Variants in ERI1 observed in about 807,000 individuals in gnomAD.
The protein encoded by ERI1 is exoribonuclease 1, also known as 3'-5' exoribonuclease 1.
A neutral mutation model predicts 39.7 loss-of-function variants in ERI1; 39 were observed. The ratio of observed to expected loss-of-function variants is 0.98; its 90% CI spans 0.76 to 1.28. ERI1 has a LOEUF of 1.28. ERI1 is among the 50% of genes most tolerant of loss of function. The probability of loss-of-function intolerance (pLI) is 0.00; values close to 1 mark genes in which losing one functional copy is unlikely to be tolerated. For synonymous variants in ERI1, 204 were observed against 149.6 expected (o/e 1.36, Z -2.65); for missense variants, 581 against 416.9 (o/e 1.39, Z -3.43).
intron 3 of ERI1, among the ~76,000 whole-genome samples, chr8:9,044,930 C>T (rs1376448447): frequency 1.3e-5 from 2 of 151,960 alleles, no homozygotes; most frequent in East Asian, 1.9e-4. Flanking sequence ...GAGTCCTGAC[C>T]ACGAAGCCCT....
At chr8:9,097,391 G>A (rs996550528) in intron 3 of ERI1, among the ~76,000 whole-genome samples, 5 of 152,224 alleles carry the variant, frequency 3.3e-5, no homozygotes, top group Admixed American at 2.0e-4. Flanking sequence ...GGCCAGGTGC[G>A]GTGGCTCACG....
intron 3 of ERI1, among the ~76,000 whole-genome samples, chr8:9,047,717 A>G (rs1481168022): frequency 9.6e-6 from 1 of 103,684 alleles, no homozygotes; most frequent in Non-Finnish European, 2.0e-5. Flanking sequence ...AAAGAAAAGG[A>G]GAGTGAAGCC....
chr8:9,020,652 C>G (rs1817786197), intron 6 of ERI1, among the ~76,000 whole-genome samples, 188 bp downstream of exon 6: 1 of 152,112 alleles, frequency 6.6e-6, no homozygotes, highest in Non-Finnish European at 1.5e-5. Flanking sequence ...AACCTGTTAA[C>G]TTTATTTAAG....
Position 9,081,856 on chromosome 8 carries a change from T to C in ERI1, n.300-34492T>C, listed in dbSNP as rs188018073. Among the ~76,000 whole-genome samples, 319 of 152,270 alleles carry C rather than the reference T, an allele frequency of 2.1e-3. 1 individual carries two copies. The Middle Eastern group carries it at 0.024, about 11-fold the overall frequency. ...GAACCCCCACAACTCCCATTTCTTA[T>C]GAAAAATAAGCAATTTAATTATTCT... On this transcript the variant is annotated intron_variant and non_coding_transcript_variant, in intron 3 of 3. Transcript: ENST00000518663.
intron 3 of ERI1, among the ~76,000 whole-genome samples, chr8:9,046,995 C>T (rs897342780): frequency 1.3e-5 from 2 of 152,106 alleles, no homozygotes; most frequent in Non-Finnish European, 2.9e-5. Flanking sequence ...TTTTTTTGAC[C>T]TGTTAGGTTT....
intron 3 of ERI1, chr8:9,072,664 C>T (rs1030906455): frequency 6.6e-6 from 1 of 152,122 alleles, no homozygotes; most frequent in South Asian, 2.1e-4. Context: ...ATAAATCAGC[C>T]CTTTGATTTA....
At position 9,018,419 on chromosome 8, in the gene ERI1, G is replaced by A. The variant is rs770157889; in HGVS notation, c.692+13G>A. 5 of 1,410,964 alleles carry A rather than the reference G, an allele frequency of 3.5e-6. No homozygotes were observed. The highest frequency in any genetic ancestry group is 1.2e-5 in the South Asian group (1 of 83,474). 87.4% of individuals were successfully genotyped at this position (1,410,964 alleles called of 1,614,324 possible). A position where few individuals can be genotyped will look rare whatever the true frequency, so the allele number is the denominator to read the frequency against. ...TTTTAACAGATGGGTAAGTATTTAG[G>A]AAGATTATTTTTTTATATCTACTTT... On this transcript the variant is annotated intron_variant, in intron 5 of 6. Transcript: ENST00000250263.
At chr8:9,066,774 G>A (rs369645460) in intron 3 of ERI1, among the ~76,000 whole-genome samples, 6 of 152,086 alleles carry the variant, frequency 3.9e-5, no homozygotes, top group Non-Finnish European at 8.8e-5. Context: ...TGTGACAGGC[G>A]GGTGAGTTGA....
chr8:9,035,984 G>T (rs1385618696), downstream of ERI1, among the ~76,000 whole-genome samples: 1 of 152,186 alleles, frequency 6.6e-6, no homozygotes, highest in African/African-American at 2.4e-5. Flanking sequence ...TGCTGATGTG[G>T]TGGAAATACC....
intron 3 of ERI1, among the ~76,000 whole-genome samples, chr8:9,042,419 A>G (rs1394510655): frequency 1.3e-5 from 2 of 152,162 alleles, no homozygotes; most frequent in African/African-American, 4.8e-5. Context: ...ACATTAAGAA[A>G]CAAACAGATG....
intron 6 of ERI1, among the ~76,000 whole-genome samples, chr8:9,026,787 C>T (rs764827560): frequency 1.3e-5 from 2 of 151,574 alleles, no homozygotes; most frequent in Non-Finnish European, 2.9e-5. Flanking sequence ...TTTCAAAATC[C>T]AAAAAATTTC....
chr8:9,075,380 T>C (rs181401146), intron 3 of ERI1, among the ~76,000 whole-genome samples: 1 of 152,220 alleles, frequency 6.6e-6, no homozygotes, highest in African/African-American at 2.4e-5. Context: ...TGGAGACTGA[T>C]GAGAGATTAC....
At chr8:9,069,968 G>T (rs1425358272) in intron 3 of ERI1, among the ~76,000 whole-genome samples, 1 of 152,110 alleles carries the variant, frequency 6.6e-6, no homozygotes, top group African/African-American at 2.4e-5. Flanking sequence ...CTGGGTGGAG[G>T]TGGCTCATAC....
At chr8:9,007,285 A>C (rs1017973662) in intron 1 of ERI1, among the ~76,000 whole-genome samples, 1 of 152,210 alleles carries the variant, frequency 6.6e-6, no homozygotes, top group Non-Finnish European at 1.5e-5. Context: ...TTTGAGTACT[A>C]GGAAGCTGTA....
intron 3 of ERI1, among the ~76,000 whole-genome samples, chr8:9,079,591 A>T (rs936300485): frequency 9.9e-5 from 15 of 152,254 alleles, no homozygotes; most frequent in Admixed American, 6.5e-4. Flanking sequence ...TAACTGGAAT[A>T]GTTTAGCCGA....
At chr8:9,041,084 T>A (rs1798003728) in intron 3 of ERI1, among the ~76,000 whole-genome samples, 1 of 152,238 alleles carries the variant, frequency 6.6e-6, no homozygotes, top group African/African-American at 2.4e-5. Context: ...ACGCTGCACT[T>A]CTGCTCGCCT....
rs146775157 is a variant in ERI1, at chr8:9,060,384, C to T, written n.299+39920C>T. The stretch of plus-strand genomic sequence containing the variant: ...CTGACTTGGGGCATGTTGAGTAAAG[C>T]CAATTTGCCAATCCTGGTGGGGGGC... On this transcript the variant is annotated intron_variant and non_coding_transcript_variant, in intron 3 of 3. Coordinates refer to the ERI1 transcript ENST00000518663. Among the ~76,000 whole-genome samples, 223 of 152,058 alleles carry T rather than the reference C, an allele frequency of 1.5e-3. 4 individuals are homozygous for T. The East Asian group carries it at 0.03, about 21-fold the overall frequency.
chr8:9,028,279 C>G (rs1680230576), intron 6 of ERI1, among the ~76,000 whole-genome samples: 1 of 152,144 alleles, frequency 6.6e-6, no homozygotes, highest in Non-Finnish European at 1.5e-5. Flanking sequence ...TTTTCTGTTT[C>G]TTTGTAATTC....
At chr8:9,024,055 C>T (rs751745296) in intron 6 of ERI1, among the ~76,000 whole-genome samples, 2 of 151,982 alleles carry the variant, frequency 1.3e-5, no homozygotes, top group East Asian at 1.9e-4. Flanking sequence ...ACACCTTGGC[C>T]GTCCAAAGTG....
Sources: allele counts gnomAD v4.1 joint callset (sites outside exome capture counted in the v4.1 genomes callset), GRCh38; gene constraint gnomAD v4.1.1; transcripts MANE v1.5; gene names NCBI Gene and HGNC (gene_info 2026-07-23, HGNC 2026-07-21).